The following CATSPERT variants were observed in gnomAD, a reference collection of about 807,000 sequenced individuals.
CATSPERT encodes catsper channel auxiliary subunit tau.
the CATSPERT span, chr2:201,545,417 G>C: frequency 3.1e-5 from 19 of 613,354 alleles, no homozygotes; most frequent in East Asian, 5.2e-4. Context: ...AAACTATAGT[G>C]AAATGCCTAT....
chr2:201,605,762 A>C, the CATSPERT span, among the ~76,000 whole-genome samples: 16 of 152,372 alleles, frequency 1.1e-4, no homozygotes, highest in Admixed American at 3.3e-4. Flanking sequence ...AACTGAATTA[A>C]GTATCTTCAA....
the CATSPERT span, among the ~76,000 whole-genome samples, chr2:201,514,273 T>C: frequency 6.6e-6 from 1 of 152,140 alleles, no homozygotes; most frequent in Non-Finnish European, 1.5e-5. Flanking sequence ...CATGACTATG[T>C]GTGAAAAACT....
At chr2:201,595,906 C>CAA in the CATSPERT span, among the ~76,000 whole-genome samples, 1,909 of 141,942 alleles carry the variant, frequency 0.013, 41 homozygotes, top group African/African-American at 0.044. Flanking sequence ...ACTAAAAACT[C>CAA]AAAAAAAAAA....
At chr2:201,492,960 A>T in the CATSPERT span, 1 of 1,536,350 alleles carries the variant, frequency 6.5e-7, no homozygotes, top group Admixed American at 2.0e-5. Flanking sequence ...GACTCAAAAT[A>T]GGTTTTCTGT....
chr2:201,581,944 A>G, the CATSPERT span: 2 of 954,956 alleles, frequency 2.1e-6, no homozygotes, highest in East Asian at 3.2e-5. Flanking sequence ...TTTAAAAAAT[A>G]TATAGCCAAA....
chr2:201,575,221 T>C, the CATSPERT span: 15 of 1,349,618 alleles, frequency 1.1e-5, no homozygotes, highest in Non-Finnish European at 1.4e-5. Context: ...TAAAGTTACA[T>C]GAAATGTTAA....
the CATSPERT span, among the ~76,000 whole-genome samples, chr2:201,583,786 G>A: frequency 6.6e-6 from 1 of 151,920 alleles, no homozygotes; most frequent in Non-Finnish European, 1.5e-5. Flanking sequence ...CAAATGAGAA[G>A]AGCAAAAATA....
the CATSPERT span, chr2:201,492,459 C>A: frequency 7.2e-6 from 11 of 1,533,142 alleles, no homozygotes; most frequent in Non-Finnish European, 9.6e-6. Context: ...AAGGATATTT[C>A]ATGTTTATTT....
chr2:201,586,967 C>T, the CATSPERT span, among the ~76,000 whole-genome samples: 1 of 152,026 alleles, frequency 6.6e-6, no homozygotes, highest in Non-Finnish European at 1.5e-5. Flanking sequence ...TTCCCCCCTT[C>T]TCCCTGGCTC....
chr2:201,494,381 A>G, the CATSPERT span: 3 of 1,537,152 alleles, frequency 2.0e-6, no homozygotes, highest in South Asian at 1.2e-5. Flanking sequence ...GAGAGGTGAC[A>G]TGTGTTTGCC....
the CATSPERT span, among the ~76,000 whole-genome samples, chr2:201,540,205 C>T: frequency 2.3e-3 from 343 of 152,252 alleles, 3 homozygotes; most frequent in African/African-American, 7.8e-3. Flanking sequence ...TTTTGTAACA[C>T]AAAAGTGCAA....
the CATSPERT span, among the ~76,000 whole-genome samples, chr2:201,490,764 C>A: frequency 6.6e-6 from 1 of 152,206 alleles, no homozygotes; most frequent in African/African-American, 2.4e-5. Flanking sequence ...CACTCTGTCA[C>A]CCAGGCTCGA....
chr2:201,606,135 T>C, the CATSPERT span, among the ~76,000 whole-genome samples: 21 of 152,260 alleles, frequency 1.4e-4, no homozygotes, highest in East Asian at 3.1e-3. Context: ...AAACGAATGT[T>C]TAAAGTTATA....
the CATSPERT span, among the ~76,000 whole-genome samples, chr2:201,617,240 A>G: frequency 3.9e-5 from 6 of 152,218 alleles, no homozygotes; most frequent in East Asian, 9.6e-4. Flanking sequence ...AAAAGAGCCC[A>G]CATTGCCAAG....
the CATSPERT span, among the ~76,000 whole-genome samples, chr2:201,563,117 C>T: frequency 3.7e-5 from 5 of 133,520 alleles, no homozygotes; most frequent in South Asian, 2.6e-4. Context: ...CCTCACCTCC[C>T]GGATGGGGCG....
chr2:201,538,149 A>C, the CATSPERT span, among the ~76,000 whole-genome samples: 1 of 152,028 alleles, frequency 6.6e-6, no homozygotes, highest in Non-Finnish European at 1.5e-5. Context: ...TGCATAACTT[A>C]AACTTTATAC....
At chr2:201,604,651 A>C in the CATSPERT span, 1 of 1,605,784 alleles carries the variant, frequency 6.2e-7, no homozygotes, top group Non-Finnish European at 8.5e-7. Flanking sequence ...CTCCTGTGTT[A>C]TTTCCAGTTC....
At chr2:201,547,913 C>T in the CATSPERT span, among the ~76,000 whole-genome samples, 9,043 of 151,838 alleles carry the variant, frequency 0.06, 350 homozygotes, top group African/African-American at 0.096. Context: ...TACACAATGG[C>T]GTTATTATCA....
chr2:201,537,507 T>C, the CATSPERT span: 3 of 1,499,012 alleles, frequency 2.0e-6, no homozygotes, highest in Non-Finnish European at 1.8e-6. Context: ...AGGGGTATTT[T>C]ATTTTACATA....
Sources: gnomAD v4.1 joint callset for allele counts (sites outside exome capture counted in the v4.1 genomes callset) on GRCh38, gnomAD v4.1.1 for gene constraint, MANE v1.5 for transcripts, NCBI Gene and HGNC (gene_info 2026-07-23, HGNC 2026-07-21) for gene names.